The following ANKRD13B variants were observed in gnomAD, a reference collection of about 807,000 sequenced individuals.
ANKRD13B encodes ankyrin repeat domain-containing protein 13B.
Under a neutral mutation model 74.4 loss-of-function variants are expected in ANKRD13B, and 33 were observed. The ratio of observed to expected loss-of-function variants is 0.44; its 90% confidence interval spans 0.34 to 0.59. The LOEUF is 0.59. Among genes scored for constraint, ANKRD13B ranks in the 20% least tolerant of loss-of-function variants. ANKRD13B has a pLI of 0.02. For synonymous variants in ANKRD13B, 341 were observed against 362.9 expected, an observed-to-expected ratio of 0.94 and a Z score of 0.68; for missense variants, 676 against 877.9, an observed-to-expected ratio of 0.77 and a Z score of 2.91.
In ANKRD13B at chr17:29,607,727, C is replaced by T; in HGVS notation, c.115-15C>T. 6.3e-7 allele frequency: 1 copy of T among 1,592,278 alleles called. No homozygotes were observed. ...GTGACTGGGGCTTTATCTTCCACTC[C>T]TCCTCCTCCTCCAGGTGGACATCGA... On this transcript the variant is annotated splice_polypyrimidine_tract_variant and intron_variant, in intron 1 of 14. Transcript: ENST00000394859.
chr17:29,596,508 C>A (rs183507891), intron 1 of ANKRD13B, among the ~76,000 whole-genome samples: 2 of 152,164 alleles, frequency 1.3e-5, no homozygotes, highest in African/African-American at 4.8e-5. Flanking sequence ...GGGGTGGGAA[C>A]AGGGGGAAGG....
chr17:29,605,415 AAC>A (rs35418248), intron 1 of ANKRD13B, among the ~76,000 whole-genome samples: 38,912 of 149,342 alleles, frequency 0.26, 5,508 homozygotes, highest in Non-Finnish European at 0.31. Context: ...TACACACACA[AAC>A]ACACACACAC....
rs372116363 is a variant in ANKRD13B, at chr17:29,612,827, C to T, written c.1575+12C>T. On this transcript the variant is annotated intron_variant, in intron 13 of 14. Transcript: ENST00000394859. This position sits in a 1 kb window ranked among gnomAD's most constrained non-coding sequence, Gnocchi z 6.1. ...GTGAGTATGACCAGGTGCGTCTCCGCGGGCGCGCGGGGCCACGGGACTCCG... is the reference window on the plus strand; with the variant it reads ...GTGAGTATGACCAGGTGCGTCTCCGTGGGCGCGCGGGGCCACGGGACTCCG... 132 of 1,600,184 alleles carry T rather than the reference C, an allele frequency of 8.2e-5. No individual in the cohort carries two copies. Among genetic ancestry groups the T allele is most frequent in the Non-Finnish European group, 1.1e-4 (126 of 1,178,166 alleles).
rs2034612686 is a variant in ANKRD13B, at chr17:29,612,371, T to C, written c.1259-31T>C. 2 of 1,611,464 alleles carry C rather than the reference T, an allele frequency of 1.2e-6. No individual in the cohort carries two copies. Among genetic ancestry groups the C allele is most frequent in the African/African-American group, 2.7e-5 (2 of 74,738 alleles). Reference sequence around the variant, plus strand: ...TGAGGCTGAGGTGTGAGGGGCTGAGTGGTGGCGCCTAAAGGTTTCCTCATC... The same window carrying C: ...TGAGGCTGAGGTGTGAGGGGCTGAGCGGTGGCGCCTAAAGGTTTCCTCATC... On this transcript the variant is annotated intron_variant, in intron 11 of 14. Coordinates refer to ENST00000394859, the MANE Select transcript of ANKRD13B (RefSeq NM_152345.5). The surrounding 1 kb of genome is among the most constrained non-coding windows in gnomAD (Gnocchi z 6.1).
chr17:29,599,386 C>CG (rs1555579000), intron 1 of ANKRD13B: 13 of 151,698 alleles, frequency 8.6e-5, no homozygotes, highest in African/African-American at 2.9e-4. Flanking sequence ...GCCTGGCAAC[C>CG]GGGGAGCAGC....
intron 1 of ANKRD13B, among the ~76,000 whole-genome samples, chr17:29,599,884 T>TG (rs2034099593): frequency 7.5e-6 from 1 of 133,770 alleles, no homozygotes; most frequent in Non-Finnish European, 1.6e-5. Flanking sequence ...TTTTTTTTTT[T>TG]TTTTTTTTTT....
At chr17:29,604,948 T>A (rs1488717770) in intron 1 of ANKRD13B, among the ~76,000 whole-genome samples, 4 of 152,244 alleles carry the variant, frequency 2.6e-5, no homozygotes, top group African/African-American at 9.6e-5. Flanking sequence ...TGATTAAATA[T>A]GCATCTCCAC....
Position 29,614,403 on chromosome 17 carries a change from G to A in ANKRD13B, c.*821G>A. On this transcript the variant is annotated 3_prime_UTR_variant, in exon 15 of 15. Coordinates refer to ENST00000394859, the MANE Select transcript of ANKRD13B (RefSeq NM_152345.5). ...CAAAGGGCTCGCCCAGGGCCCTGGC[G>A]CCACCCCCACCCCTTCCCACCAGCT... 1 of 151,984 alleles carries A rather than the reference G, an allele frequency of 6.6e-6. No homozygotes were observed. Among genetic ancestry groups the A allele is most frequent in the Non-Finnish European group, 1.5e-5 (1 of 68,072 alleles). The allele number at this position is 151,984 out of a possible 1,614,324, so 9.4% of individuals were successfully genotyped here.
Position 29,611,149 on chromosome 17 carries a change from C to A in ANKRD13B, c.904+383C>A. 6.6e-6 allele frequency among the ~76,000 whole-genome samples: 1 copy of A among 152,216 alleles called. No individual in the cohort carries two copies. Among genetic ancestry groups the A allele is most frequent in the East Asian group, 1.9e-4 (1 of 5,200 alleles). On this transcript the variant is annotated intron_variant, in intron 8 of 14. Coordinates refer to ENST00000394859, the MANE Select transcript of ANKRD13B (RefSeq NM_152345.5). The surrounding 1 kb of genome is among the most constrained non-coding windows in gnomAD (Gnocchi z 4.3). ...ATGCCCATTGATGCCACACCTGATT[C>A]TCTGGGTACCAGATACCGTGTCCGA...
At chr17:29,599,211 T>C (rs112142287) in intron 1 of ANKRD13B, among the ~76,000 whole-genome samples, 1 of 152,136 alleles carries the variant, frequency 6.6e-6, no homozygotes, top group Non-Finnish European at 1.5e-5. Flanking sequence ...GGGAAGGCCA[T>C]TGGCGAAGGG....
chr17:29,609,491 G>A lies in ANKRD13B; in HGVS notation c.822+70G>A, dbSNP rs2034503870. On this transcript the variant is annotated intron_variant, in intron 7 of 14. Coordinates refer to ENST00000394859, the MANE Select transcript of ANKRD13B (RefSeq NM_152345.5). The surrounding 1 kb of genome is among the most constrained non-coding windows in gnomAD (Gnocchi z 4.0). The stretch of plus-strand genomic sequence containing the variant: ...TACAGCAAGCTGTACAGGGGATTCT[G>A]ACCTCCCTTCCCCAGCCCTGGAGGT... 1.3e-6 allele frequency: 2 copies of A among 1,566,544 alleles called. No individual in the cohort carries two copies. Among genetic ancestry groups the A allele is most frequent in the African/African-American group, 1.4e-5 (1 of 73,788 alleles).
In ANKRD13B at chr17:29,612,753, G is replaced by A; in HGVS notation, c.1513G>A (p.Asp505Asn). 7 of 1,602,626 alleles carry A rather than the reference G, an allele frequency of 4.4e-6. No individual in the cohort carries two copies. The highest frequency in any genetic ancestry group is 2.2e-5 in the East Asian group (1 of 44,836). Residue 505 changes from aspartate (D) to asparagine (N), a missense_variant, in exon 13 of 15, where the codon GAC becomes AAC. Coordinates refer to ENST00000394859, the MANE Select transcript of ANKRD13B (RefSeq NM_152345.5). This position sits in a 1 kb window ranked among gnomAD's most constrained non-coding sequence, Gnocchi z 6.1. ...QREAATRDDD[D>N]DLLQFAIQQS... Reference sequence around the variant, plus strand: ...GGAGGCGGCGACCCGGGACGACGACGACGACCTGCTGCAATTCGCCATCCA... The same window carrying A: ...GGAGGCGGCGACCCGGGACGACGACAACGACCTGCTGCAATTCGCCATCCA...
intron 1 of ANKRD13B, among the ~76,000 whole-genome samples, chr17:29,600,083 A>G (rs986135611): frequency 3.3e-5 from 5 of 151,910 alleles, no homozygotes; most frequent in East Asian, 1.9e-4. Context: ...TCACCGTGTT[A>G]GCCAGGATGG....
At chr17:29,593,774 C>T (rs2033849035) in intron 1 of ANKRD13B, 39 bp downstream of exon 1, 1 of 1,249,382 alleles carries the variant, frequency 8.0e-7, no homozygotes, top group East Asian at 3.4e-5. Flanking sequence ...ACCCCGCGGC[C>T]GGGCACGCCC....
Position 29,610,758 on chromosome 17 carries a change from A to G in ANKRD13B, c.896A>G (p.Lys299Arg), listed in dbSNP as rs777470420. The change falls in exon 8 of 15, where the codon AAG becomes AGG. Residue 299 changes from lysine to arginine, a missense_variant. By Grantham distance (26) the Lys-to-Arg change is conservative. Transcript: ENST00000394859. ...CATCTTTCAGAACAGCACAAGGGCA[A>G]GGTCAAAGGTAATGAGGCAGAGCTG... is the stretch of plus-strand genomic sequence containing the variant. ...TEHLSEQHKGKVKGCKTPLQS... is the reference protein window; with the variant it reads ...TEHLSEQHKGRVKGCKTPLQS... 4 of 1,613,876 alleles carry G rather than the reference A, an allele frequency of 2.5e-6. No homozygotes were observed. Among genetic ancestry groups the G allele is most frequent in the Non-Finnish European group, 3.4e-6 (4 of 1,179,856 alleles).
intron 1 of ANKRD13B, among the ~76,000 whole-genome samples, chr17:29,598,642 A>G (rs2034045233): frequency 6.6e-6 from 1 of 151,798 alleles, no homozygotes; most frequent in South Asian, 2.1e-4. Flanking sequence ...TCTGCCTCCC[A>G]GGCTCAGGTG....
In ANKRD13B at chr17:29,611,894, C is replaced by T; in HGVS notation, c.988C>T (p.Leu330=). ...PQNGTLITQT[L]SQANPTAITA... ...GGTACAGACCCTGATCACTCAGACT[C>T]TGAGCCAAGCCAACCCCACTGCCAT... is the stretch of plus-strand genomic sequence containing the variant. The change falls in exon 10 of 15, where the codon CTG becomes TTG. Residue 330 remains leucine, a synonymous_variant. Coordinates refer to ENST00000394859, the MANE Select transcript of ANKRD13B (RefSeq NM_152345.5). The surrounding 1 kb of genome is among the most constrained non-coding windows in gnomAD (Gnocchi z 4.3). 3 of 1,612,492 alleles carry T rather than the reference C, an allele frequency of 1.9e-6. No homozygotes were observed. Among genetic ancestry groups the T allele is most frequent in the Non-Finnish European group, 2.5e-6 (3 of 1,179,072 alleles).
chr17:29,608,978 T>C lies in ANKRD13B; in HGVS notation c.549T>C (p.Phe183=), dbSNP rs1391642759. Residue 183 remains phenylalanine (F), a synonymous_variant, in exon 5 of 15, where the codon TTT becomes TTC. Coordinates refer to ENST00000394859, the MANE Select transcript of ANKRD13B (RefSeq NM_152345.5). The surrounding 1 kb of genome is among the most constrained non-coding windows in gnomAD (Gnocchi z 6.4). ...CCTGGCAGCGAGGGAACCGCAGCTT[T>C]GTCTTCAGGGGCCAAGGTCAGGCAG... ...HMTWQRGNRS[F]VFRGQDTSAV... 2 of 1,614,158 alleles carry C rather than the reference T, an allele frequency of 1.2e-6. No individual in the cohort carries two copies. Among genetic ancestry groups the C allele is most frequent in the Admixed American group, 3.3e-5 (2 of 60,036 alleles).
At position 29,609,618 on chromosome 17, in the gene ANKRD13B, C is replaced by T. The variant is rs1023106166; in HGVS notation, c.822+197C>T. ...GATGTATACACAGGGCACGTGCACA[C>T]GCACACACACACACACATTTATTCC... On this transcript the variant is annotated intron_variant, in intron 7 of 14. Coordinates refer to ENST00000394859, the MANE Select transcript of ANKRD13B (RefSeq NM_152345.5). The surrounding 1 kb of genome is among the most constrained non-coding windows in gnomAD (Gnocchi z 4.0). 4.6e-5 allele frequency among the ~76,000 whole-genome samples: 7 copies of T among 152,232 alleles called. No individual in the cohort carries two copies. In the South Asian group the frequency reaches 6.2e-4, roughly 13 times the overall value.
Sources: gnomAD v4.1 joint callset for allele counts (sites outside exome capture counted in the v4.1 genomes callset) on GRCh38, gnomAD v4.1.1 for gene constraint, Gnocchi (gnomAD v3.1) non-coding constraint, MANE v1.5 for transcripts, NCBI Gene and HGNC (gene_info 2026-07-23, HGNC 2026-07-21) for gene names.